The following FARP1 variants were observed in gnomAD, a reference collection of about 807,000 sequenced individuals.
FARP1 encodes the protein FERM, ARH/RhoGEF and pleckstrin domain protein 1.
A neutral mutation model predicts 128.8 loss-of-function variants in FARP1; 52 were observed. The ratio of observed to expected loss-of-function variants is 0.40; its 90% CI spans 0.32 to 0.51. The LOEUF is 0.51. FARP1 is among the 20% of genes least tolerant of loss of function. The pLI, the probability that FARP1 is intolerant of heterozygous loss-of-function variation, is 0.45. For synonymous variants in FARP1, 580 were observed against 551.8 expected (o/e 1.05, Z -0.72); for missense variants, 1,333 against 1,367.9 (o/e 0.97, Z 0.40).
At chr13:98,192,110 C>A (rs1256554326) in intron 1 of FARP1, among the ~76,000 whole-genome samples, 1 of 151,872 alleles carries the variant, frequency 6.6e-6, no homozygotes, top group East Asian at 1.9e-4. Flanking sequence ...CAAACTTTAA[C>A]ATCATAACAA....
chr13:98,252,283 A>G (rs1020661542), intron 2 of FARP1, among the ~76,000 whole-genome samples: 4 of 152,236 alleles, frequency 2.6e-5, no homozygotes, highest in Non-Finnish European at 5.9e-5. Flanking sequence ...CTTCCTGACT[A>G]TTCAATGTGA....
chr13:98,250,995 G>C (rs1161205472), intron 2 of FARP1, among the ~76,000 whole-genome samples: 4 of 152,170 alleles, frequency 2.6e-5, no homozygotes, highest in Non-Finnish European at 5.9e-5. Context: ...TCCTAGGCTC[G>C]AGCACAGTGC....
chr13:98,303,465 G>C (rs557209698), intron 2 of FARP1, among the ~76,000 whole-genome samples: 1 of 152,178 alleles, frequency 6.6e-6, no homozygotes, highest in African/African-American at 2.4e-5. Flanking sequence ...CGAGGGTTGA[G>C]AACCTACAAA....
intron 3 of FARP1, among the ~76,000 whole-genome samples, chr13:98,363,347 C>T (rs532148817): frequency 1.4e-4 from 22 of 152,280 alleles, no homozygotes; most frequent in Non-Finnish European, 3.1e-4. Flanking sequence ...TACCTCTGCC[C>T]CTTCCGTGTG....
intron 3 of FARP1, among the ~76,000 whole-genome samples, chr13:98,351,551 G>A (rs774842189): frequency 5.3e-5 from 8 of 150,668 alleles, no homozygotes; most frequent in Non-Finnish European, 7.4e-5. Flanking sequence ...GGCGGAGCTC[G>A]CAGTGAGCTG....
At chr13:98,275,560 A>G (rs1197195108) in intron 2 of FARP1, among the ~76,000 whole-genome samples, 2 of 151,746 alleles carry the variant, frequency 1.3e-5, no homozygotes, top group Non-Finnish European at 2.9e-5. Flanking sequence ...GATTGGCAGA[A>G]TAGAGTAATT....
At chr13:98,251,611 A>G (rs1883325626) in intron 2 of FARP1, among the ~76,000 whole-genome samples, 1 of 150,222 alleles carries the variant, frequency 6.7e-6, no homozygotes, top group African/African-American at 2.5e-5. Flanking sequence ...TGAACCCGGG[A>G]GGTGGAGGTT....
chr13:98,330,930 G>A (rs1329739886), intron 2 of FARP1, among the ~76,000 whole-genome samples: 1 of 152,180 alleles, frequency 6.6e-6, no homozygotes, highest in Admixed American at 6.5e-5. Context: ...GAGGACATGA[G>A]TGCTTAGAAG....
chr13:98,384,809 A>G lies in FARP1; in HGVS notation c.576A>G (p.Leu192=), dbSNP rs139336426. 2.7e-4 allele frequency: 429 copies of G among 1,613,286 alleles called. No homozygotes were observed. Among genetic ancestry groups the G allele is most frequent in the Non-Finnish European group, 3.4e-4 (397 of 1,179,308 alleles). Residue 192 remains leucine, a synonymous_variant, in exon 7 of 27, where the codon CTA becomes CTG. Coordinates refer to ENST00000319562, the MANE Select transcript of FARP1 (RefSeq NM_005766.4). ...AATACATACCTCAGCAAGACGCACTAGAGGACAAAATCGTGGAATTTCACC... is the reference window on the plus strand; with the variant it reads ...AATACATACCTCAGCAAGACGCACTGGAGGACAAAATCGTGGAATTTCACC... The part of the protein sequence containing the change: ...KNKYIPQQDA[L]EDKIVEFHHN...
In FARP1 at chr13:98,214,993, C is replaced by A. The variant is rs1468996649; in HGVS notation, c.171+1580C>A. On this transcript the variant is annotated intron_variant, in intron 2 of 26. Transcript: ENST00000319562. ...CTTCTGAGCCCAGGTTTCTAGCACA[C>A]ACATTCTATTACACGGTGTTTCTGA... Among the ~76,000 whole-genome samples, 25 of 152,198 alleles carry A rather than the reference C, an allele frequency of 1.6e-4. 1 individual carries two copies. The highest frequency in any genetic ancestry group is 1.6e-3 in the Admixed American group (24 of 15,270).
intron 2 of FARP1, among the ~76,000 whole-genome samples, chr13:98,289,937 A>G (rs1033175301): frequency 6.6e-6 from 1 of 152,208 alleles, no homozygotes; most frequent in African/African-American, 2.4e-5. Context: ...GGGTTTTTGA[A>G]TAGGTTTCCT....
At chr13:98,440,428 AC>A (rs1892477014) in intron 23 of FARP1, among the ~76,000 whole-genome samples, 193 bp downstream of exon 23, 1 of 151,404 alleles carries the variant, frequency 6.6e-6, no homozygotes, top group East Asian at 1.9e-4. Context: ...CTGGGAAGTC[AC>A]CTTTTCTGGG....
chr13:98,370,630 G>A (rs1171827784), intron 5 of FARP1, among the ~76,000 whole-genome samples: 3 of 151,934 alleles, frequency 2.0e-5, no homozygotes, highest in Non-Finnish European at 4.4e-5. Flanking sequence ...GAGGGAAGTG[G>A]AGGACTGTTG....
intron 2 of FARP1, among the ~76,000 whole-genome samples, chr13:98,271,895 T>A (rs1382730477): frequency 1.3e-5 from 2 of 152,236 alleles, no homozygotes; most frequent in African/African-American, 4.8e-5. Context: ...GCAATAAATG[T>A]ACGTGTGCAT....
chr13:98,312,295 C>T (rs1356726704), intron 2 of FARP1, among the ~76,000 whole-genome samples: 1 of 151,972 alleles, frequency 6.6e-6, no homozygotes, highest in Non-Finnish European at 1.5e-5. Context: ...CGCCCGCTAC[C>T]ACGCCTGGCT....
At chr13:98,364,586 G>T (rs1234369202) in intron 3 of FARP1, among the ~76,000 whole-genome samples, 1 of 152,052 alleles carries the variant, frequency 6.6e-6, no homozygotes, top group African/African-American at 2.4e-5. Context: ...ACTTAGTTTT[G>T]TCATATATGC....
intron 13 of FARP1, 125 bp from the exon 14 acceptor site, chr13:98,409,213 C>T: frequency 1.4e-6 from 1 of 712,442 alleles, no homozygotes; most frequent in Non-Finnish European, 2.3e-6. Flanking sequence ...TAAAGAATCG[C>T]TTTAGGTTTG....
At chr13:98,159,916 G>C (rs188037804) in intron 1 of FARP1, among the ~76,000 whole-genome samples, 275 of 152,322 alleles carry the variant, frequency 1.8e-3, no homozygotes, top group African/African-American at 6.5e-3. Context: ...GTTGGAGGAT[G>C]AAAATCTGGT....
At chr13:98,221,358 A>G (rs895106704) in intron 2 of FARP1, among the ~76,000 whole-genome samples, 2 of 152,212 alleles carry the variant, frequency 1.3e-5, no homozygotes, top group African/African-American at 4.8e-5. Context: ...ATAAAAAATC[A>G]TGTGCTTCTG....
Sources: allele counts gnomAD v4.1 joint callset (sites outside exome capture counted in the v4.1 genomes callset), GRCh38; gene constraint gnomAD v4.1.1; transcripts MANE v1.5; gene names NCBI Gene and HGNC (gene_info 2026-07-23, HGNC 2026-07-21).